Variants in TRMT2B observed in about 807,000 individuals in gnomAD.
TRMT2B encodes the protein tRNA (uracil-5-)-methyltransferase homolog B.
A neutral mutation model predicts 39.7 loss-of-function variants in TRMT2B; 34 were observed. The ratio of observed to expected loss-of-function variants is 0.86; its 90% CI spans 0.65 to 1.14. The LOEUF is 1.14. TRMT2B is among the 50% of genes most tolerant of loss of function. The pLI, the probability that TRMT2B is intolerant of heterozygous loss-of-function variation, is 0.00. For missense variants in TRMT2B, 318 were observed against 377.2 expected (o/e 0.84, Z 1.30); for synonymous variants, 132 against 137.3 (o/e 0.96, Z 0.27).
chrX:100,997,010 T>G, the TRMT2B span, among the ~76,000 whole-genome samples: 7 of 111,159 alleles, frequency 6.3e-5, no homozygotes, highest in Non-Finnish European at 1.1e-4. Flanking sequence ...GGAACTAGAT[T>G]TTTTTTTTGA....
At chrX:100,973,444 G>C in the TRMT2B span, among the ~76,000 whole-genome samples, 7 of 107,419 alleles carry the variant, frequency 6.5e-5, no homozygotes, top group Admixed American at 6.9e-4. Context: ...CCGGCGCGGC[G>C]GCAAAGACTG....
intron 2 of TRMT2B, among the ~76,000 whole-genome samples, chrX:101,047,426 G>A (rs1345820306): frequency 9.0e-6 from 1 of 111,716 alleles, no homozygotes; most frequent in African/African-American, 3.2e-5. Flanking sequence ...AGCTGGAAGA[G>A]CTAACATGGG....
At position 101,032,448 on chromosome X, in the gene TRMT2B, G is replaced by A. The variant is rs768537843; in HGVS notation, c.609+3165C>T. Among the ~76,000 whole-genome samples, 5 of 108,279 alleles carry A rather than the reference G, an allele frequency of 4.6e-5. 1 individual carries two copies. The South Asian group carries it at 1.6e-3, about 35-fold the overall frequency. 94.0% of individuals were successfully genotyped at this position (108,279 alleles called of 115,157 possible). A position where few individuals can be genotyped will look rare whatever the true frequency, so the allele number is the denominator to read the frequency against. On this transcript the variant is annotated intron_variant, in intron 7 of 13. Coordinates refer to ENST00000372936, the MANE Select transcript of TRMT2B (RefSeq NM_024917.6). The stretch of plus-strand genomic sequence containing the variant: ...TAAAAATACAAAAAATTAGCTAGGC[G>A]TGGTGGCATGTGCCTGTAATTCCAG...
chrX:101,035,585 T>C, intron 7 of TRMT2B, 28 bp downstream of exon 7: 1 of 1,189,590 alleles, frequency 8.4e-7, no homozygotes, highest in Non-Finnish European at 1.1e-6. Flanking sequence ...CTCCAGGCCA[T>C]TCTCAACCAG....
chrX:100,994,028 A>T, the TRMT2B span, among the ~76,000 whole-genome samples: 1 of 112,219 alleles, frequency 8.9e-6, no homozygotes, highest in Non-Finnish European at 1.9e-5. Flanking sequence ...GCTCGGTGAG[A>T]TCATTAGAAA....
the TRMT2B span, among the ~76,000 whole-genome samples, chrX:100,994,198 G>C: frequency 1.8e-5 from 2 of 111,789 alleles, no homozygotes; most frequent in African/African-American, 6.5e-5. Flanking sequence ...ATCTGCCAAA[G>C]AGGTTTTACA....
chrX:101,016,297 G>A (rs1174816358), intron 13 of TRMT2B, among the ~76,000 whole-genome samples: 1 of 110,714 alleles, frequency 9.0e-6, no homozygotes, highest in Non-Finnish European at 1.9e-5. Context: ...TACTTTCTTT[G>A]TCTACAGATT....
At chrX:101,037,097 G>A in intron 5 of TRMT2B, 24 bp from the exon 6 acceptor site, 2 of 1,108,168 alleles carry the variant, frequency 1.8e-6, no homozygotes, top group South Asian at 1.8e-5. Flanking sequence ...AAGGACAGGA[G>A]GGGGATGAGA....
Position 101,048,113 on chromosome X carries a change from TACACACACAC to T in TRMT2B, c.-24+3128_-24+3137del, listed in dbSNP as rs56212711. Among the ~76,000 whole-genome samples, 58 of 90,298 alleles carry T rather than the reference TACACACACAC, an allele frequency of 6.4e-4. 1 individual carries two copies. Among genetic ancestry groups the T allele is most frequent in the African/African-American group, 1.3e-3 (34 of 25,187 alleles). The allele number at this position is 90,298 out of a possible 115,157, so 78.4% of individuals were successfully genotyped here. ...ATTCAGAATTTTACATTTATACACA[TACACACACAC>T]ACACACACACACACACACACACACA... On this transcript the variant is annotated intron_variant, in intron 2 of 13. Coordinates refer to ENST00000372936, the MANE Select transcript of TRMT2B (RefSeq NM_024917.6).
the TRMT2B span, among the ~76,000 whole-genome samples, chrX:100,996,321 A>G: frequency 8.9e-6 from 1 of 112,070 alleles, no homozygotes; most frequent in Admixed American, 9.5e-5. Context: ...ACAAACATAC[A>G]GTTATAATAG....
the TRMT2B span, chrX:100,985,768 G>A: frequency 8.3e-7 from 1 of 1,211,478 alleles, no homozygotes; most frequent in South Asian, 1.8e-5. Flanking sequence ...AGACCTGAAG[G>A]GCCGGGAAGC....
At chrX:101,010,811 C>T in intron 13 of TRMT2B, 104 bp from the exon 14 acceptor site, 1 of 780,796 alleles carries the variant, frequency 1.3e-6, no homozygotes, top group Non-Finnish European at 1.8e-6. Flanking sequence ...CCCACAGGCC[C>T]CCTGTGTTTC....
At chrX:100,994,852 C>T in the TRMT2B span, among the ~76,000 whole-genome samples, 1 of 111,360 alleles carries the variant, frequency 9.0e-6, no homozygotes, top group Non-Finnish European at 1.9e-5. Context: ...CTTGCTGCAA[C>T]CTCGAACTCC....
At chrX:101,002,903 A>T in the TRMT2B span, among the ~76,000 whole-genome samples, 2 of 111,409 alleles carry the variant, frequency 1.8e-5, no homozygotes, top group Non-Finnish European at 3.8e-5. Flanking sequence ...AAAATAAAAA[A>T]GTTAGAAAGC....
At chrX:101,025,787 C>A (rs1448192013) in intron 7 of TRMT2B, among the ~76,000 whole-genome samples, 1 of 110,422 alleles carries the variant, frequency 9.1e-6, no homozygotes, top group African/African-American at 3.3e-5. Context: ...GGCAAAACCC[C>A]GTCTCTACTA....
chrX:101,028,596 C>T (rs1252625470), intron 7 of TRMT2B, among the ~76,000 whole-genome samples: 1 of 111,836 alleles, frequency 8.9e-6, no homozygotes, highest in Non-Finnish European at 1.9e-5. Flanking sequence ...CACGCCCCCA[C>T]CAATAATCCA....
chrX:100,978,435 C>T, the TRMT2B span, among the ~76,000 whole-genome samples: 5 of 111,447 alleles, frequency 4.5e-5, no homozygotes, highest in East Asian at 1.4e-3. Context: ...CTGAATTGAT[C>T]CCCTTATCAT....
the TRMT2B span, chrX:100,988,112 G>A: frequency 1.5e-3 from 1,193 of 772,578 alleles, 3 homozygotes; most frequent in Non-Finnish European, 2.0e-3. Context: ...ATATGGCAGG[G>A]ATGGGGTAGT....
the TRMT2B span, among the ~76,000 whole-genome samples, chrX:100,982,055 C>T: frequency 9.0e-6 from 1 of 110,835 alleles, no homozygotes; most frequent in African/African-American, 3.3e-5. Flanking sequence ...ACCACTGGCA[C>T]AAGCAGGTGT....
Sources: allele counts gnomAD v4.1 joint callset (sites outside exome capture counted in the v4.1 genomes callset), GRCh38; gene constraint gnomAD v4.1.1; transcripts MANE v1.5; gene names NCBI Gene and HGNC (gene_info 2026-07-23, HGNC 2026-07-21).